COPS5: variants seen among roughly 807,000 people sequenced by gnomAD.
COPS5 encodes COP9 signalosome complex subunit 5.
Under a neutral mutation model 44.4 loss-of-function variants are expected in COPS5, and 8 were observed. That is an observed-to-expected ratio of 0.18 (90% confidence interval 0.11 to 0.32). The LOEUF is 0.32. Ranked by LOEUF, COPS5 falls within the 10% of genes least tolerant of loss-of-function variation. The pLI is 1.00. For missense variants in COPS5, 159 were observed against 406.4 expected (o/e 0.39, Z 5.23); for synonymous variants, 122 against 142.8 (o/e 0.85, Z 1.04).
At chr8:67,054,534 G>A (rs1031393347) in intron 5 of COPS5, among the ~76,000 whole-genome samples, 1 of 152,082 alleles carries the variant, frequency 6.6e-6, no homozygotes, top group Non-Finnish European at 1.5e-5. Flanking sequence ...GCAACCTAGT[G>A]AGACTCCATC....
chr8:67,054,151 T>G (rs1804464128), intron 5 of COPS5, among the ~76,000 whole-genome samples: 1 of 152,064 alleles, frequency 6.6e-6, no homozygotes, highest in Admixed American at 6.6e-5. Context: ...CAAAAGAAAG[T>G]TATTTAAGGA....
intron 5 of COPS5, among the ~76,000 whole-genome samples, chr8:67,054,404 T>G (rs1585713362): frequency 1.3e-5 from 2 of 152,274 alleles, no homozygotes; most frequent in East Asian, 3.9e-4. Context: ...AGCAATTCTC[T>G]CAAACAGGAA....
intron 6 of COPS5, among the ~76,000 whole-genome samples, chr8:67,046,618 C>T (rs528439873): frequency 2.6e-5 from 4 of 151,656 alleles, no homozygotes; most frequent in Non-Finnish European, 2.9e-5. Flanking sequence ...GTCAGGAGTT[C>T]GAGACCAGCC....
In COPS5 at chr8:67,045,799, G is replaced by C. The variant is rs368392119; in HGVS notation, c.920+13C>G. The C allele has an allele frequency of 3.1e-6, 5 of 1,613,826 alleles. No homozygotes were observed. In the African/African-American group the frequency reaches 6.7e-5, roughly 22 times the overall value. Reference sequence around the variant, plus strand: ...AGTTAGGGGCAACAGGAATCTTATAGATTTACTCTTACCTGTCTCTTGTAG... The same window carrying C: ...AGTTAGGGGCAACAGGAATCTTATACATTTACTCTTACCTGTCTCTTGTAG... On this transcript the variant is annotated intron_variant, in intron 7 of 7. Transcript: ENST00000357849.
At chr8:67,058,696 T>A (rs543870034) in intron 2 of COPS5, among the ~76,000 whole-genome samples, 2 of 149,586 alleles carry the variant, frequency 1.3e-5, no homozygotes, top group African/African-American at 4.9e-5. Flanking sequence ...AGAGTTTATT[T>A]AAAAAAAAAA....
Position 67,050,920 on chromosome 8 carries a change from G to C in COPS5, c.771+310C>G, listed in dbSNP as rs1047819290. Among the ~76,000 whole-genome samples the C allele has an allele frequency of 2.0e-5, 3 of 152,112 alleles. No individual in the cohort carries two copies. In the South Asian group the frequency reaches 6.2e-4, roughly 32 times the overall value. On this transcript the variant is annotated intron_variant, in intron 6 of 7. Coordinates refer to ENST00000357849, the MANE Select transcript of COPS5 (RefSeq NM_006837.3). The stretch of plus-strand genomic sequence containing the variant: ...CCTGTTACTTGTAACCAGAGTCCAA[G>C]CTGAGACACTTGATACACAAAAATC...
At chr8:67,056,654 T>G (rs12156085) in intron 4 of COPS5, 50 bp from the exon 5 acceptor site, 1 of 10,382 alleles carries the variant, frequency 9.6e-5, no homozygotes, top group African/African-American at 4.8e-4. Flanking sequence ...AAAAAAAAAA[T>G]ATATATATAT....
intron 1 of COPS5, 51 bp downstream of exon 1, chr8:67,061,803 T>TA (rs762658373): frequency 2.5e-6 from 4 of 1,597,072 alleles, no homozygotes; most frequent in East Asian, 4.5e-5. Flanking sequence ...CTGGGTCTCT[T>TA]AAACTCCGCC....
rs766647142 is a variant in COPS5, at chr8:67,043,146, A to T, written c.*87T>A. 1.4e-6 allele frequency: 1 copy of T among 730,730 alleles called. No individual in the cohort carries two copies. The highest frequency in any genetic ancestry group is 2.4e-6 in the Non-Finnish European group (1 of 421,438). 45.3% of individuals were successfully genotyped at this position (730,730 alleles called of 1,614,324 possible). On this transcript the variant is annotated 3_prime_UTR_variant, in exon 8 of 8. Transcript: ENST00000357849. ...ACACTTCAGAGCACCTTATACTTCT[A>T]ATCAGATTTTGGGTAACTGGTTTTA...
In COPS5 at chr8:67,060,548, G is replaced by A. The variant is rs1402898011; in HGVS notation, c.144-1103C>T. On this transcript the variant is annotated intron_variant, in intron 1 of 7. Transcript: ENST00000357849. ...CGAAATCTTGGCTTCTCCCTTTACT[G>A]GAGAAAAGAAGAAAGACAAGTTACT... 5.5e-6 allele frequency: 7 copies of A among 1,275,328 alleles called. No individual in the cohort carries two copies. In the African/African-American group the frequency reaches 1.1e-4, roughly 19 times the overall value. 79.0% of individuals were successfully genotyped at this position (1,275,328 alleles called of 1,614,324 possible).
At chr8:67,046,877 A>AATT (rs1252904178) in intron 6 of COPS5, among the ~76,000 whole-genome samples, 2 of 151,568 alleles carry the variant, frequency 1.3e-5, no homozygotes, top group Admixed American at 1.3e-4. Flanking sequence ...CAAAATTAAT[A>AATT]ATTATACAAA....
intron 6 of COPS5, among the ~76,000 whole-genome samples, chr8:67,049,219 T>C (rs1816738371): frequency 6.6e-6 from 1 of 152,174 alleles, no homozygotes; most frequent in African/African-American, 2.4e-5. Context: ...TAATGGCACT[T>C]TGGGAGGCCA....
At chr8:67,046,851 A>C (rs1816707633) in intron 6 of COPS5, among the ~76,000 whole-genome samples, 1 of 150,700 alleles carries the variant, frequency 6.6e-6, no homozygotes, top group Non-Finnish European at 1.5e-5. Flanking sequence ...AAAAAAAACA[A>C]ACACTTTTCT....
chr8:67,045,519 G>A (rs1401296081), intron 7 of COPS5: 1 of 349,494 alleles, frequency 2.9e-6, no homozygotes, highest in African/African-American at 2.1e-5. Flanking sequence ...TCCACTTAAG[G>A]GCTGCTTTTG....
intron 6 of COPS5, among the ~76,000 whole-genome samples, chr8:67,050,237 A>G (rs4072321): frequency 0.13 from 19,403 of 151,888 alleles, 2,455 homozygotes; most frequent in African/African-American, 0.33. Flanking sequence ...TCCTGACCTC[A>G]TGATCCGCCC....
At chr8:67,050,332 A>G (rs936379902) in intron 6 of COPS5, among the ~76,000 whole-genome samples, 1 of 152,006 alleles carries the variant, frequency 6.6e-6, no homozygotes, top group Non-Finnish European at 1.5e-5. Flanking sequence ...CTACTGCTTT[A>G]AAGTAATGCT....
At chr8:67,045,539 C>G (rs545120347) in intron 7 of COPS5, 2 of 387,138 alleles carry the variant, frequency 5.2e-6, no homozygotes, top group Non-Finnish European at 9.4e-6. Flanking sequence ...GTCACACTTT[C>G]TAGTTGAACC....
chr8:67,044,810 G>C (rs983172359), intron 7 of COPS5: 6 of 151,972 alleles, frequency 3.9e-5, no homozygotes, highest in African/African-American at 1.4e-4. Context: ...ATGTTGGCCA[G>C]GCTGGTCTTG....
chr8:67,049,234 G>A (rs748777067), intron 6 of COPS5, among the ~76,000 whole-genome samples: 4 of 152,158 alleles, frequency 2.6e-5, no homozygotes, highest in Non-Finnish European at 5.9e-5. Context: ...AGGCCAAGGC[G>A]GGCAGATTGC....
Sources: gnomAD v4.1 joint callset for allele counts (sites outside exome capture counted in the v4.1 genomes callset) on GRCh38, gnomAD v4.1.1 for gene constraint, MANE v1.5 for transcripts, NCBI Gene and HGNC (gene_info 2026-07-23, HGNC 2026-07-21) for gene names.